The following TIGIT variants were observed in gnomAD, a reference collection of about 807,000 sequenced individuals.
The protein encoded by TIGIT is T cell immunoreceptor with Ig and ITIM domains, also known as T-cell immunoreceptor with Ig and ITIM domains.
A neutral mutation model predicts 19.6 loss-of-function variants in TIGIT; 11 were observed. The observed-to-expected ratio is 0.56, with a 90% CI of 0.35 to 0.93. The LOEUF (loss-of-function observed/expected upper bound fraction) is 0.93, where lower values mean the gene tolerates loss of function less well. Ranked by LOEUF, TIGIT falls within the 40% of genes least tolerant of loss-of-function variation. The probability of loss-of-function intolerance (pLI) is 0.01; values close to 1 mark genes in which losing one functional copy is unlikely to be tolerated. For missense variants in TIGIT, 295 were observed against 303.9 expected, an observed-to-expected ratio of 0.97 and a Z score of 0.22; for synonymous variants, 130 against 125.5, an observed-to-expected ratio of 1.04 and a Z score of -0.24.
rs1049869210 is a variant in TIGIT at position 114,309,929 on chromosome 3, A to G, written c.*1798A>G. Reference sequence around the variant, plus strand: ...ATGGTGATAAAATACAAAAGGGCCTATAGATGTTAGAAATGGGTCAGGTTA... The same window carrying G: ...ATGGTGATAAAATACAAAAGGGCCTGTAGATGTTAGAAATGGGTCAGGTTA... On this transcript the variant is annotated 3_prime_UTR_variant, in exon 4 of 4. Transcript: ENST00000383671. The G allele has an allele frequency of 3.9e-5, 6 of 152,182 alleles. No homozygotes were observed. Among genetic ancestry groups the G allele is most frequent in the Non-Finnish European group, 8.8e-5 (6 of 68,036 alleles). The allele number at this position is 152,182 out of a possible 1,614,324, so 9.4% of individuals were successfully genotyped here.
chr3:114,305,575 T>A (rs1035061400), intron 3 of TIGIT, among the ~76,000 whole-genome samples: 5 of 152,084 alleles, frequency 3.3e-5, no homozygotes, highest in Non-Finnish European at 7.4e-5. Flanking sequence ...AGCTGGCATT[T>A]TGGAAATCCA....
rs548523510 is a variant in TIGIT at position 114,308,353 on chromosome 3, G to T, written c.*222G>T. On this transcript the variant is annotated 3_prime_UTR_variant, in exon 4 of 4. Transcript: ENST00000383671. ...TGGCAGGCCTAGGGTGAGTAACGTGGATCTTGATCATAAATGCAAAATTAA... is the reference window on the plus strand; with the variant it reads ...TGGCAGGCCTAGGGTGAGTAACGTGTATCTTGATCATAAATGCAAAATTAA... 28 of 452,172 alleles carry T rather than the reference G, an allele frequency of 6.2e-5. No homozygotes were observed. The highest frequency in any genetic ancestry group is 1.1e-4 in the Non-Finnish European group (28 of 255,564). The allele number at this position is 452,172 out of a possible 1,614,324, so 28.0% of individuals were successfully genotyped here.
chr3:114,304,101 A>T (rs1429510625), intron 3 of TIGIT, among the ~76,000 whole-genome samples: 2 of 148,402 alleles, frequency 1.3e-5, no homozygotes, highest in Non-Finnish European at 3.0e-5. Context: ...TTTTGATGGG[A>T]TTTTTTTTTC....
chr3:114,304,388 G>C (rs772854371), intron 3 of TIGIT, among the ~76,000 whole-genome samples: 4 of 152,184 alleles, frequency 2.6e-5, no homozygotes, highest in Non-Finnish European at 5.9e-5. Context: ...TTTATTCTCT[G>C]AGCATTTTGT....
At position 114,309,786 on chromosome 3, in the gene TIGIT, G is replaced by A. The variant is rs9825470; in HGVS notation, c.*1655G>A. 0.56 allele frequency: 84,750 copies of A among 151,960 alleles called. 24,110 individuals carry two copies. Among genetic ancestry groups the A allele is most frequent in the East Asian group, 0.92 (4,743 of 5,176 alleles). The allele number at this position is 151,960 out of a possible 1,614,324, so 9.4% of individuals were successfully genotyped here. ...TGGAAGTGAACTAAAATGTAATGAC[G>A]AAAAGGGAGTAGTGTTTTGATTTGG... On this transcript the variant is annotated 3_prime_UTR_variant, in exon 4 of 4. Transcript: ENST00000383671.
At chr3:114,303,194 C>T (rs1403335943) in intron 3 of TIGIT, among the ~76,000 whole-genome samples, 1 of 150,988 alleles carries the variant, frequency 6.6e-6, no homozygotes, top group East Asian at 1.9e-4. Context: ...GTGGTGATTT[C>T]TGAGATTTTG....
rs2078450625 is a variant in TIGIT at position 114,295,875 on chromosome 3, G to A, written c.391+1G>A. 1.3e-6 allele frequency: 2 copies of A among 1,591,094 alleles called. No homozygotes were observed. The highest frequency in any genetic ancestry group is 2.7e-5 in the African/African-American group (2 of 74,500). On this transcript the variant is annotated splice_donor_variant, in intron 2 of 3. Coordinates refer to ENST00000383671, the MANE Select transcript of TIGIT (RefSeq NM_173799.4). LOFTEE classifies it high-confidence loss of function. ...TTCCTGGAGGTCCTAGAAAGCTCAG[G>A]TATTCCTGCTGGAGCAAGTTGGTGG...
intron 3 of TIGIT, among the ~76,000 whole-genome samples, chr3:114,306,587 A>G (rs1343066628): frequency 6.6e-6 from 1 of 152,180 alleles, no homozygotes; most frequent in African/African-American, 2.4e-5. Flanking sequence ...AATGCCGATA[A>G]TTATGGCATT....
intron 3 of TIGIT, among the ~76,000 whole-genome samples, chr3:114,302,589 T>C (rs1031847392): frequency 5.3e-5 from 8 of 152,218 alleles, no homozygotes; most frequent in Non-Finnish European, 1.2e-4. Flanking sequence ...TTTCTTTAAG[T>C]GCTGCTATCT....
At chr3:114,306,634 A>G (rs981978308) in intron 3 of TIGIT, among the ~76,000 whole-genome samples, 1 of 152,212 alleles carries the variant, frequency 6.6e-6, no homozygotes, top group African/African-American at 2.4e-5. Context: ...CAGTCAAATA[A>G]TAATTAATGT....
chr3:114,306,185 A>G (rs1008091491), intron 3 of TIGIT, among the ~76,000 whole-genome samples: 6 of 152,016 alleles, frequency 3.9e-5, no homozygotes, highest in African/African-American at 9.7e-5. Flanking sequence ...GTGTGTCCCA[A>G]CTCCAAAGAG....
intron 2 of TIGIT, 195 bp downstream of exon 2, chr3:114,296,069 G>A: frequency 1.8e-6 from 1 of 551,508 alleles, no homozygotes; most frequent in Non-Finnish European, 3.2e-6. Context: ...GCTAAACAAG[G>A]GTAAGGTCTA....
At chr3:114,299,844 TCTGC>T (rs2078481421) in intron 3 of TIGIT, 141 bp downstream of exon 3, 1 of 619,296 alleles carries the variant, frequency 1.6e-6, no homozygotes, top group Non-Finnish European at 2.9e-6. Flanking sequence ...TGGCATTTGT[TCTGC>T]CTATTAGTGC....
At chr3:114,296,131 C>T in intron 2 of TIGIT, 1 of 411,898 alleles carries the variant, frequency 2.4e-6, no homozygotes, top group South Asian at 4.6e-5. Context: ...AACCACTGTT[C>T]TTATGTAAGA....
At chr3:114,295,463 C>A in intron 1 of TIGIT, 82 bp from the exon 2 acceptor site, 1 of 1,157,158 alleles carries the variant, frequency 8.6e-7, no homozygotes. Context: ...GTTGGGGCCT[C>A]AAAGGCCCTT....
chr3:114,300,689 A>G (rs574860599), intron 3 of TIGIT, among the ~76,000 whole-genome samples: 19 of 152,212 alleles, frequency 1.2e-4, no homozygotes, highest in Non-Finnish European at 2.5e-4. Context: ...GTCCAGGAGC[A>G]TGGTGTATTT....
intron 2 of TIGIT, among the ~76,000 whole-genome samples, chr3:114,298,219 A>G (rs2078467617): frequency 6.6e-6 from 1 of 152,148 alleles, no homozygotes; most frequent in Admixed American, 6.5e-5. Flanking sequence ...AGACCTTGAT[A>G]TCTTTGTTCT....
At chr3:114,294,245 T>C in intron 1 of TIGIT, 123 bp downstream of exon 1, 1 of 731,690 alleles carries the variant, frequency 1.4e-6, no homozygotes, top group Admixed American at 2.9e-5. Flanking sequence ...AGAAAGAAAT[T>C]GCAACTTTTA....
intron 2 of TIGIT, among the ~76,000 whole-genome samples, chr3:114,296,409 C>G (rs554861279): frequency 6.6e-6 from 1 of 152,296 alleles, no homozygotes; most frequent in East Asian, 1.9e-4. Context: ...GGATTCTTAT[C>G]TTATCTGAGA....
Sources: allele counts gnomAD v4.1 joint callset (sites outside exome capture counted in the v4.1 genomes callset), GRCh38; gene constraint gnomAD v4.1.1; transcripts MANE v1.5; gene names NCBI Gene and HGNC (gene_info 2026-07-23, HGNC 2026-07-21).